SUSD1: variants seen among roughly 807,000 people sequenced by gnomAD.
The protein encoded by SUSD1 is sushi domain containing 1, also known as sushi domain-containing protein 1.
Under a neutral mutation model 86.9 loss-of-function variants are expected in SUSD1, and 65 were observed. That is an observed-to-expected ratio of 0.75 (90% confidence interval 0.61 to 0.92). The LOEUF (loss-of-function observed/expected upper bound fraction) is 0.92, where lower values mean the gene tolerates loss of function less well. SUSD1 is among the 40% of genes least tolerant of loss of function. The pLI is 0.00. For synonymous variants in SUSD1, 346 were observed against 350.0 expected, an observed-to-expected ratio of 0.99 and a Z score of 0.13; for missense variants, 850 against 929.7, an observed-to-expected ratio of 0.91 and a Z score of 1.11.
chr9:112,053,695 AGGC>A (rs1256966313), intron 14 of SUSD1, among the ~76,000 whole-genome samples: 1 of 152,244 alleles, frequency 6.6e-6, no homozygotes, highest in Non-Finnish European at 1.5e-5. Flanking sequence ...TCAAATAGCA[AGGC>A]CATTTGGGGG....
At chr9:112,087,053 C>T (rs1016866410) in intron 10 of SUSD1, among the ~76,000 whole-genome samples, 6 of 151,128 alleles carry the variant, frequency 4.0e-5, no homozygotes, top group Non-Finnish European at 8.8e-5. Flanking sequence ...AAAAGCTCTA[C>T]ATTTTTTTAA....
chr9:112,142,409 C>A lies in SUSD1; in HGVS notation c.617G>T (p.Cys206Phe), dbSNP rs1191914296. ...TGGAACACTGAAGAATCCTTCTCTG[C>A]AAGCATAACGAACCTGGCTGCCCAG... ...SSLGSQVRYA[C>F]REGFFSVPED... is the part of the protein sequence containing the mutation. The change falls in exon 5 of 17, where the codon TGC (cysteine) becomes TTC (phenylalanine). Residue 206 changes from cysteine (C) to phenylalanine (F), a missense_variant. Physicochemically the swap from Cys to Phe is radical, Grantham distance 205. Coordinates refer to ENST00000374270, the MANE Select transcript of SUSD1 (RefSeq NM_022486.5). 1.9e-6 allele frequency: 3 copies of A among 1,614,098 alleles called. No homozygotes were observed. Among genetic ancestry groups the A allele is most frequent in the Non-Finnish European group, 1.7e-6 (2 of 1,179,988 alleles).
intron 7 of SUSD1, 107 bp from the exon 8 acceptor site, chr9:112,111,947 C>T: frequency 8.4e-7 from 1 of 1,191,574 alleles, no homozygotes; most frequent in Non-Finnish European, 1.2e-6. Flanking sequence ...TACTGTGCTG[C>T]TCAGCCAGGG....
intron 9 of SUSD1, among the ~76,000 whole-genome samples, chr9:112,099,975 G>T (rs979314994): frequency 6.6e-6 from 1 of 152,138 alleles, no homozygotes; most frequent in African/African-American, 2.4e-5. Flanking sequence ...CATATCCATG[G>T]CCACAACCTA....
chr9:112,133,999 C>CA (rs771370676), intron 5 of SUSD1, among the ~76,000 whole-genome samples: 5 of 152,098 alleles, frequency 3.3e-5, no homozygotes, highest in Non-Finnish European at 5.9e-5. Flanking sequence ...AAATGCAAAT[C>CA]AAAACCACAA....
chr9:112,078,496 G>A (rs766245734), intron 12 of SUSD1, 42 bp downstream of exon 12: 2 of 1,566,740 alleles, frequency 1.3e-6, no homozygotes, highest in Admixed American at 1.7e-5. Flanking sequence ...GAACAATTCT[G>A]TGGTAACTTT....
At chr9:112,087,685 A>G (rs1309144114) in intron 10 of SUSD1, among the ~76,000 whole-genome samples, 2 of 152,198 alleles carry the variant, frequency 1.3e-5, no homozygotes, top group Non-Finnish European at 2.9e-5. Context: ...TAAAAATGAG[A>G]TCAAAAAGAA....
chr9:112,052,398 C>G lies in SUSD1; in HGVS notation c.2149+1G>C. On this transcript the variant is annotated splice_donor_variant, in intron 15 of 16. Coordinates refer to ENST00000374270, the MANE Select transcript of SUSD1 (RefSeq NM_022486.5). LOFTEE classifies it high-confidence loss of function. ...CATTCATAGGCAGAAAATAATTTTA[C>G]CTTTCACCTGAGCCCAAACTGCACA... 6.2e-7 allele frequency: 1 copy of G among 1,614,018 alleles called. No individual in the cohort carries two copies. Among genetic ancestry groups the G allele is most frequent in the Non-Finnish European group, 8.5e-7 (1 of 1,179,982 alleles).
At chr9:112,117,252 G>T (rs1021963649) in intron 6 of SUSD1, among the ~76,000 whole-genome samples, 19 of 152,316 alleles carry the variant, frequency 1.2e-4, no homozygotes, top group African/African-American at 4.3e-4. Flanking sequence ...CAAGGCAGAG[G>T]GTGCAAACTC....
At chr9:112,153,160 G>C (rs749873610) in intron 2 of SUSD1, among the ~76,000 whole-genome samples, 5 of 151,854 alleles carry the variant, frequency 3.3e-5, no homozygotes, top group African/African-American at 4.8e-5. Flanking sequence ...TCAGCTACTT[G>C]GGAGGCCGAG....
intron 12 of SUSD1, among the ~76,000 whole-genome samples, chr9:112,069,808 G>A (rs1829178311): frequency 6.6e-6 from 1 of 151,396 alleles, no homozygotes; most frequent in South Asian, 2.1e-4. Flanking sequence ...GAGCTCAGAA[G>A]AGGCAACTGC....
intron 3 of SUSD1, among the ~76,000 whole-genome samples, chr9:112,148,868 T>C (rs911282922): frequency 6.6e-6 from 1 of 151,070 alleles, no homozygotes; most frequent in Non-Finnish European, 1.5e-5. Context: ...ATTGTGCCAC[T>C]GCACTCCAGC....
chr9:112,111,905 G>A (rs1349755444), intron 7 of SUSD1, 65 bp from the exon 8 acceptor site: 49 of 1,522,558 alleles, frequency 3.2e-5, no homozygotes, highest in Non-Finnish European at 3.7e-5. Flanking sequence ...GATTTGTGGT[G>A]CTGGAGCCCA....
chr9:112,058,102 A>G (rs541970160), intron 14 of SUSD1, among the ~76,000 whole-genome samples: 7 of 152,206 alleles, frequency 4.6e-5, no homozygotes, highest in African/African-American at 7.2e-5. Flanking sequence ...CAGGGGCACA[A>G]GGAAGTTAAC....
intron 12 of SUSD1, among the ~76,000 whole-genome samples, chr9:112,076,605 G>C (rs1014458250): frequency 2.0e-5 from 3 of 152,144 alleles, no homozygotes; most frequent in Non-Finnish European, 4.4e-5. Flanking sequence ...GTGGATATAG[G>C]AGTCTGGTGC....
At chr9:112,045,439 C>A (rs1313735201) in intron 15 of SUSD1, among the ~76,000 whole-genome samples, 1 of 152,192 alleles carries the variant, frequency 6.6e-6, no homozygotes, top group Admixed American at 6.5e-5. Context: ...CTGTGCATAG[C>A]CATTCAGCTT....
intron 6 of SUSD1, among the ~76,000 whole-genome samples, chr9:112,118,351 T>C (rs1831413127): frequency 6.6e-6 from 1 of 152,230 alleles, no homozygotes; most frequent in Non-Finnish European, 1.5e-5. Flanking sequence ...TGTTTGGCTA[T>C]AAAAGTTTTC....
intron 10 of SUSD1, among the ~76,000 whole-genome samples, chr9:112,095,303 C>T (rs1034690023): frequency 2.0e-5 from 3 of 152,140 alleles, no homozygotes; most frequent in Non-Finnish European, 4.4e-5. Flanking sequence ...AAAGACGGAA[C>T]AGAAACAACT....
intron 3 of SUSD1, among the ~76,000 whole-genome samples, 184 bp downstream of exon 3, chr9:112,149,060 T>C (rs1016960643): frequency 2.0e-5 from 3 of 152,110 alleles, no homozygotes; most frequent in Non-Finnish European, 2.9e-5. Context: ...TATAGATACA[T>C]CATCATAACA....
Sources: allele counts gnomAD v4.1 joint callset (sites outside exome capture counted in the v4.1 genomes callset), GRCh38; gene constraint gnomAD v4.1.1; transcripts MANE v1.5; gene names NCBI Gene and HGNC (gene_info 2026-07-23, HGNC 2026-07-21).